The following NUP98 variants were observed in gnomAD, a reference collection of about 807,000 sequenced individuals.
The protein encoded by NUP98 is nuclear pore complex protein Nup98-Nup96.
NUP98 carries 26 observed loss-of-function variants against 191.9 expected under a neutral mutation model. That is an observed-to-expected ratio of 0.14 (90% CI 0.10 to 0.19). NUP98 has a LOEUF of 0.19. NUP98 is among the 10% of genes least tolerant of loss of function. The probability of loss-of-function intolerance (pLI) is 1.00; values close to 1 mark genes in which losing one functional copy is unlikely to be tolerated. For synonymous variants in NUP98, 808 were observed against 778.4 expected (o/e 1.04, Z -0.63); for missense variants, 1,941 against 2,178.8 (o/e 0.89, Z 2.17).
chr11:3,797,070 G>A (rs2134024440), intron 1 of NUP98, among the ~76,000 whole-genome samples: 1 of 152,360 alleles, frequency 6.6e-6, no homozygotes, highest in South Asian at 2.1e-4. Context: ...TCAAGGCGCT[G>A]ACCCCGGAAA....
At chr11:3,757,075 G>C (rs962463076) in intron 10 of NUP98, among the ~76,000 whole-genome samples, 2 of 150,130 alleles carry the variant, frequency 1.3e-5, no homozygotes, top group Admixed American at 1.3e-4. Context: ...GCGACAGAGC[G>C]AGACTCCATC....
rs2079092751 is a variant in NUP98 at position 3,713,826 on chromosome 11, C to T, written c.2569G>A (p.Val857Met). The change falls in exon 19 of 33, where the codon GTG becomes ATG. Residue 857 changes from valine (V) to methionine (M), a missense_variant. This residue lies in a region of NUP98 where 95 missense variants were observed against 139.7 expected (regional missense o/e 0.68). Transcript: ENST00000324932. Reference protein sequence around the residue: ...KEYRPETGSWVFKVSHFSKYG... With the variant: ...KEYRPETGSWMFKVSHFSKYG... ...GGGTTAAATGACTATACCTTAAACA[C>T]CCAAGAACCAGTTTCAGGCCGGTAT... The T allele has an allele frequency of 6.2e-7, 1 of 1,613,806 alleles. No individual in the cohort carries two copies. Among genetic ancestry groups the T allele is most frequent in the Non-Finnish European group, 8.5e-7 (1 of 1,179,918 alleles).
intron 20 of NUP98, among the ~76,000 whole-genome samples, chr11:3,711,194 G>A (rs1049844968): frequency 2.0e-5 from 3 of 151,664 alleles, no homozygotes; most frequent in South Asian, 2.1e-4. Context: ...ACAGAGAGCC[G>A]AGACTGCACC....
chr11:3,735,939 CA>C (rs2080038584), intron 12 of NUP98, among the ~76,000 whole-genome samples: 6 of 151,890 alleles, frequency 4.0e-5, no homozygotes, highest in East Asian at 1.9e-4. Flanking sequence ...CACACACACA[CA>C]CACCCAGGCT....
intron 16 of NUP98, among the ~76,000 whole-genome samples, chr11:3,721,421 G>A (rs1214061127): frequency 6.6e-6 from 1 of 152,218 alleles, no homozygotes; most frequent in African/African-American, 2.4e-5. Context: ...AATCCAGCCA[G>A]GCAAGGTGGC....
intron 15 of NUP98, among the ~76,000 whole-genome samples, chr11:3,723,942 C>CTAAATGTCCT (rs1378034556): frequency 6.7e-6 from 1 of 150,210 alleles, no homozygotes; most frequent in Non-Finnish European, 1.5e-5. Context: ...ACCGGATAAT[C>CTAAATGTCCT]TAAATGTCCA....
intron 23 of NUP98, among the ~76,000 whole-genome samples, chr11:3,701,690 T>C (rs1017842390): frequency 5.4e-5 from 8 of 149,304 alleles, no homozygotes; most frequent in African/African-American, 2.0e-4. Context: ...TTCTTTTCTC[T>C]CTTTTTTTTT....
At chr11:3,698,410 T>C (rs534116820) in intron 25 of NUP98, among the ~76,000 whole-genome samples, 1 of 152,086 alleles carries the variant, frequency 6.6e-6, no homozygotes, top group South Asian at 2.1e-4. Flanking sequence ...TAAACAATGT[T>C]TAAGGTCCTA....
intron 27 of NUP98, 60 bp from the exon 28 acceptor site, chr11:3,691,549 T>C (rs1378342788): frequency 6.5e-7 from 1 of 1,537,666 alleles, no homozygotes; most frequent in South Asian, 1.2e-5. Flanking sequence ...CTAGATGCCA[T>C]TATGTTTCTT....
chr11:3,763,217 A>G lies in NUP98; in HGVS notation c.949-178T>C, dbSNP rs193031903. Among the ~76,000 whole-genome samples, 619 of 152,300 alleles carry G rather than the reference A, an allele frequency of 4.1e-3. 2 individuals carry two copies. Among genetic ancestry groups the G allele is most frequent in the African/African-American group, 0.014 (582 of 41,580 alleles). On this transcript the variant is annotated intron_variant, in intron 8 of 32. Coordinates refer to ENST00000324932, the MANE Select transcript of NUP98 (RefSeq NM_016320.5). ...TGAAAAGCAGGGAGTATATTTTTCA[A>G]AAAGCTCAGAGCATTTTAAAACTTG...
At chr11:3,761,664 C>T (rs1475260869) in intron 9 of NUP98, among the ~76,000 whole-genome samples, 1 of 152,170 alleles carries the variant, frequency 6.6e-6, no homozygotes, top group African/African-American at 2.4e-5. Flanking sequence ...GAGGCTGAGG[C>T]AGAGAACTGC....
At chr11:3,749,442 T>G (rs998864659) in intron 11 of NUP98, among the ~76,000 whole-genome samples, 6 of 152,040 alleles carry the variant, frequency 3.9e-5, no homozygotes, top group Non-Finnish European at 7.4e-5. Flanking sequence ...CTGGCCAACA[T>G]GGTGAAACCC....
chr11:3,754,092 T>C (rs1412208523), intron 10 of NUP98, among the ~76,000 whole-genome samples: 2 of 152,192 alleles, frequency 1.3e-5, no homozygotes, highest in Non-Finnish European at 2.9e-5. Context: ...GTTTCAAGTT[T>C]ATTTAGAAGA....
intron 1 of NUP98, among the ~76,000 whole-genome samples, chr11:3,795,851 G>A (rs1350842306): frequency 3.3e-5 from 5 of 152,134 alleles, no homozygotes; most frequent in South Asian, 2.1e-4. Flanking sequence ...TTAGACTACG[G>A]TTCTCTTCTG....
intron 14 of NUP98, among the ~76,000 whole-genome samples, chr11:3,729,998 T>C (rs563399752): frequency 2.6e-5 from 4 of 151,990 alleles, no homozygotes; most frequent in Admixed American, 6.6e-5. Flanking sequence ...TCCCAGCACT[T>C]TGGGAGTCTG....
rs182714825 is a variant in NUP98 at position 3,728,184 on chromosome 11, C to G, written c.1731-2965G>C. ...AAATAAATAGCATGCCTATCGTGTC[C>G]TAACAGGAGCAAGGAACAGTAAGTT... On this transcript the variant is annotated intron_variant, in intron 14 of 32. Transcript: ENST00000324932. 1.1e-4 allele frequency among the ~76,000 whole-genome samples: 17 copies of G among 152,254 alleles called. No individual in the cohort carries two copies. In the East Asian group the frequency reaches 3.1e-3, roughly 28 times the overall value.
At chr11:3,743,498 T>C (rs1451682175) in intron 12 of NUP98, among the ~76,000 whole-genome samples, 3 of 142,920 alleles carry the variant, frequency 2.1e-5, no homozygotes, top group Non-Finnish European at 4.6e-5. Context: ...TACAAAAAAA[T>C]TAGCTGGGCA....
chr11:3,777,654 A>G lies in NUP98; in HGVS notation c.355+1219T>C, dbSNP rs530989034. On this transcript the variant is annotated intron_variant, in intron 4 of 32. Transcript: ENST00000324932. ...AAAAAAAAAAAAAGAAGTTATACAT[A>G]TGGTGCCAGAAATGTCACTAAGCAA... Among the ~76,000 whole-genome samples, 431 of 151,324 alleles carry G rather than the reference A, an allele frequency of 2.8e-3. 1 individual carries two copies. Among genetic ancestry groups the G allele is most frequent in the South Asian group, 4.2e-3 (20 of 4,792 alleles).
In NUP98 at chr11:3,788,041, G is replaced by T. The variant is rs377204120; in HGVS notation, c.-28-5896C>A. On this transcript the variant is annotated intron_variant, in intron 1 of 32. Coordinates refer to ENST00000324932, the MANE Select transcript of NUP98 (RefSeq NM_016320.5). The stretch of plus-strand genomic sequence containing the variant: ...CCTCTTCCTTTCCAACCCCGATTAC[G>T]TAAACTAGTGTCTCTCAGCTGCTTT... Among the ~76,000 whole-genome samples the T allele has an allele frequency of 1.6e-4, 25 of 152,122 alleles. No individual in the cohort carries two copies. In the East Asian group the frequency reaches 4.1e-3, roughly 25 times the overall value.
Sources: allele counts gnomAD v4.1 joint callset (sites outside exome capture counted in the v4.1 genomes callset), GRCh38; gene constraint gnomAD v4.1.1; regional missense constraint gnomAD v4.1.1; transcripts MANE v1.5; gene names NCBI Gene and HGNC (gene_info 2026-07-23, HGNC 2026-07-21).